USP34: variants seen among roughly 807,000 people sequenced by gnomAD.
USP34 encodes the protein ubiquitin carboxyl-terminal hydrolase 34.
USP34 carries 70 observed loss-of-function variants against 460.3 expected under a neutral mutation model. The ratio of observed to expected loss-of-function variants is 0.15; its 90% confidence interval spans 0.13 to 0.19. The LOEUF (loss-of-function observed/expected upper bound fraction) is 0.19. USP34 is among the 10% of genes least tolerant of loss of function. The probability of loss-of-function intolerance (pLI) is 1.00; values close to 1 mark genes in which losing one functional copy is unlikely to be tolerated. For synonymous variants in USP34, 1,647 were observed against 1,405.3 expected (o/e 1.17, Z -3.85); for missense variants, 3,985 against 4,236.2 (o/e 0.94, Z 1.65).
chr2:61,277,359 C>A (rs1689402129), intron 41 of USP34, among the ~76,000 whole-genome samples: 1 of 151,900 alleles, frequency 6.6e-6, no homozygotes, highest in Non-Finnish European at 1.5e-5. Flanking sequence ...ACCTCAGCCT[C>A]CTGAGTAGCT....
At chr2:61,412,726 A>G (rs1201923478) in intron 2 of USP34, among the ~76,000 whole-genome samples, 1 of 151,836 alleles carries the variant, frequency 6.6e-6, no homozygotes, top group African/African-American at 2.4e-5. Context: ...TCCTTTCTAC[A>G]ATAAAAAAAT....
chr2:61,442,898 T>TACACACACACACACACAC (rs58151221), intron 1 of USP34, among the ~76,000 whole-genome samples: 43 of 147,306 alleles, frequency 2.9e-4, no homozygotes, highest in Middle Eastern at 3.5e-3. Context: ...GTGATGTGTG[T>TACACACACACACACACAC]ACACACACAC....
Position 61,227,664 on chromosome 2 carries a change from T to C in USP34, c.7444-446A>G, listed in dbSNP as rs187710520. 1.7e-3 allele frequency among the ~76,000 whole-genome samples: 264 copies of C among 151,818 alleles called. 1 individual carries two copies. The highest frequency in any genetic ancestry group is 2.6e-3 in the Admixed American group (39 of 15,242). On this transcript the variant is annotated intron_variant, in intron 61 of 79. Transcript: ENST00000398571. ...AGGTGGGGGTTACAGTGAGCTGAGA[T>C]AGCACCACTGCACTCCAGCCTGGGA...
rs1040782538 is a variant in USP34, at chr2:61,236,126, T to C, written c.6918+35A>G. 4.4e-6 allele frequency: 7 copies of C among 1,593,236 alleles called. No homozygotes were observed. The African/African-American group carries it at 9.5e-5, about 22-fold the overall frequency. Reference sequence around the variant, plus strand: ...TTCAATCATTTTAAAGTAGTAAATTTTGACAGAATTATTTAAAGTTCATAT... The same window carrying C: ...TTCAATCATTTTAAAGTAGTAAATTCTGACAGAATTATTTAAAGTTCATAT... On this transcript the variant is annotated intron_variant, in intron 55 of 79. Coordinates refer to ENST00000398571, the MANE Select transcript of USP34 (RefSeq NM_014709.4).
At chr2:61,336,422 G>C (rs1430675942) in intron 18 of USP34, among the ~76,000 whole-genome samples, 1 of 151,358 alleles carries the variant, frequency 6.6e-6, no homozygotes, top group Non-Finnish European at 1.5e-5. Flanking sequence ...CACTGTACCT[G>C]GTCCCTTTTG....
chr2:61,302,033 C>G (rs1690242947), intron 27 of USP34, among the ~76,000 whole-genome samples: 1 of 152,114 alleles, frequency 6.6e-6, no homozygotes, highest in South Asian at 2.1e-4. Flanking sequence ...GACAAATTCC[C>G]AGTTCCACAA....
intron 59 of USP34, 71 bp downstream of exon 59, chr2:61,229,476 CA>C (rs70959901): frequency 3.7e-3 from 1,465 of 399,070 alleles, no homozygotes; most frequent in Middle Eastern, 6.5e-3. Flanking sequence ...AAAAAAAAAA[CA>C]AAAAAAAAAA....
chr2:61,257,137 A>C (rs1284831137), intron 45 of USP34, 29 bp from the exon 46 acceptor site: 5 of 1,571,830 alleles, frequency 3.2e-6, no homozygotes, highest in Non-Finnish European at 3.4e-6. Flanking sequence ...AAAAAATAAG[A>C]AACTAGTTAA....
At chr2:61,268,095 C>G (rs1013757531) in intron 41 of USP34, among the ~76,000 whole-genome samples, 8 of 152,092 alleles carry the variant, frequency 5.3e-5, no homozygotes, top group Non-Finnish European at 1.2e-4. Flanking sequence ...AGAACCTACT[C>G]ATATACTTCA....
chr2:61,228,128 T>C (rs1220484203), intron 61 of USP34, among the ~76,000 whole-genome samples: 11 of 152,260 alleles, frequency 7.2e-5, no homozygotes, highest in East Asian at 1.9e-4. Flanking sequence ...TAAGTTTCAA[T>C]TGTCTCATCT....
At chr2:61,395,702 C>T (rs1166975052) in intron 3 of USP34, among the ~76,000 whole-genome samples, 3 of 142,396 alleles carry the variant, frequency 2.1e-5, no homozygotes, top group African/African-American at 8.0e-5. Flanking sequence ...AGGAGAATGG[C>T]GTGAACCCGG....
chr2:61,424,696 C>T (rs988793462), intron 1 of USP34, among the ~76,000 whole-genome samples: 1 of 151,906 alleles, frequency 6.6e-6, no homozygotes, highest in Non-Finnish European at 1.5e-5. Flanking sequence ...GGCAACATGG[C>T]GAGACCCCCT....
chr2:61,262,079 A>C (rs938989372), intron 43 of USP34, among the ~76,000 whole-genome samples: 1 of 130,318 alleles, frequency 7.7e-6, no homozygotes, highest in African/African-American at 2.9e-5. Flanking sequence ...TAACAAAGCA[A>C]GACTTCGTCA....
chr2:61,206,666 G>T, intron 71 of USP34, 94 bp downstream of exon 71: 1 of 1,479,470 alleles, frequency 6.8e-7, no homozygotes, highest in Non-Finnish European at 9.1e-7. Flanking sequence ...CATAAACTAG[G>T]ATAAAAACAA....
In USP34 at chr2:61,301,346, A is replaced by G. The variant is rs370653591; in HGVS notation, c.3918+8T>C. ...CATTAAAACTCAAACCACGTTTTAT[A>G]TATGTACCTGCATATCCTTAAAACC... On this transcript the variant is annotated splice_region_variant and intron_variant, in intron 28 of 79. Coordinates refer to ENST00000398571, the MANE Select transcript of USP34 (RefSeq NM_014709.4). 1.5e-4 allele frequency: 241 copies of G among 1,611,808 alleles called. No individual in the cohort carries two copies. The highest frequency in any genetic ancestry group is 2.0e-4 in the Non-Finnish European group (238 of 1,179,076).
chr2:61,278,137 A>G, intron 41 of USP34, 28 bp downstream of exon 41: 2 of 1,606,970 alleles, frequency 1.2e-6, no homozygotes, highest in Non-Finnish European at 1.7e-6. Flanking sequence ...CACATTTCAT[A>G]GAAACATTTG....
At chr2:61,398,463 AGAAGCGGGGGAAGGAGGCG>A (rs1558571217) in intron 3 of USP34, among the ~76,000 whole-genome samples, 42 of 92,826 alleles carry the variant, frequency 4.5e-4, no homozygotes, top group African/African-American at 1.1e-3. Context: ...GGAAGGACGG[AGAAGCGGGGGAAGGAGGCG>A]GAAGCGGGGG....
chr2:61,358,466 G>A (rs1300541801), intron 10 of USP34, among the ~76,000 whole-genome samples: 2 of 151,512 alleles, frequency 1.3e-5, no homozygotes, highest in African/African-American at 4.9e-5. Context: ...AAAACTAAAA[G>A]AGAAAAAAAA....
intron 44 of USP34, among the ~76,000 whole-genome samples, chr2:61,258,108 CT>C (rs1347827388): frequency 6.6e-6 from 1 of 152,130 alleles, no homozygotes; most frequent in African/African-American, 2.4e-5. Flanking sequence ...GATCCCAGCA[CT>C]TTGGGAGGGT....
Sources: allele counts gnomAD v4.1 joint callset (sites outside exome capture counted in the v4.1 genomes callset), GRCh38; gene constraint gnomAD v4.1.1; transcripts MANE v1.5; gene names NCBI Gene and HGNC (gene_info 2026-07-23, HGNC 2026-07-21).